PDGFC: variants seen among roughly 807,000 people sequenced by gnomAD.
The protein encoded by PDGFC is platelet-derived growth factor C.
PDGFC carries 12 observed loss-of-function variants against 35.5 expected under a neutral mutation model. The ratio of observed to expected loss-of-function variants is 0.34; its 90% CI spans 0.22 to 0.55. The LOEUF (loss-of-function observed/expected upper bound fraction) is 0.55, where lower values mean the gene tolerates loss of function less well. Among genes scored for constraint, PDGFC ranks in the 20% least tolerant of loss-of-function variants. The pLI, the probability that PDGFC is intolerant of heterozygous loss-of-function variation, is 0.91. For missense variants in PDGFC, 322 were observed against 412.4 expected (o/e 0.78, Z 1.90); for synonymous variants, 159 against 148.8 (o/e 1.07, Z -0.50).
chr4:156,778,154 A>C, intron 3 of PDGFC: 1 of 292,788 alleles, frequency 3.4e-6, no homozygotes, highest in Non-Finnish European at 7.1e-6. Context: ...ACAAAAGTAA[A>C]AACCTGTGAG....
At chr4:156,783,940 A>C (rs964958050) in intron 3 of PDGFC, among the ~76,000 whole-genome samples, 2 of 152,186 alleles carry the variant, frequency 1.3e-5, no homozygotes, top group Non-Finnish European at 2.9e-5. Flanking sequence ...GATATGCTTA[A>C]TTTTAAATGA....
At chr4:156,841,692 G>A (rs1560836605) in intron 2 of PDGFC, among the ~76,000 whole-genome samples, 2 of 151,818 alleles carry the variant, frequency 1.3e-5, no homozygotes. Flanking sequence ...TTTTGGTAGA[G>A]ACAGGGTTTT....
intron 4 of PDGFC, among the ~76,000 whole-genome samples, chr4:156,769,567 C>A (rs1730635761): frequency 6.6e-6 from 1 of 151,902 alleles, no homozygotes. Flanking sequence ...AATTATTTTT[C>A]TAACTCAAGG....
intron 3 of PDGFC, among the ~76,000 whole-genome samples, chr4:156,791,983 A>G (rs889833244): frequency 2.6e-5 from 4 of 152,196 alleles, no homozygotes; most frequent in Non-Finnish European, 5.9e-5. Context: ...GATATATCTA[A>G]TGAAATCCTC....
At chr4:156,944,391 A>C (rs1456632811) in intron 1 of PDGFC, among the ~76,000 whole-genome samples, 3 of 152,118 alleles carry the variant, frequency 2.0e-5, no homozygotes, top group Admixed American at 1.3e-4. Flanking sequence ...CATTATTTAT[A>C]TGCTTCCAAA....
At chr4:156,834,463 T>C (rs1173927593) in intron 2 of PDGFC, among the ~76,000 whole-genome samples, 2 of 152,170 alleles carry the variant, frequency 1.3e-5, no homozygotes, top group African/African-American at 4.8e-5. Flanking sequence ...TTATGACTGG[T>C]TCCATTTACA....
chr4:156,837,928 GA>G (rs1729100818), intron 2 of PDGFC, among the ~76,000 whole-genome samples: 1 of 151,740 alleles, frequency 6.6e-6, no homozygotes, highest in Non-Finnish European at 1.5e-5. Flanking sequence ...CTTGATCTCA[GA>G]CTTGGTCAGA....
Position 156,883,310 on chromosome 4 carries a change from G to A in PDGFC, c.119-32894C>T, listed in dbSNP as rs763049848. 1.2e-3 allele frequency among the ~76,000 whole-genome samples: 187 copies of A among 152,178 alleles called. 1 individual carries two copies. The highest frequency in any genetic ancestry group is 2.3e-3 in the Non-Finnish European group (155 of 68,000). On this transcript the variant is annotated intron_variant, in intron 1 of 5. Coordinates refer to ENST00000502773, the MANE Select transcript of PDGFC (RefSeq NM_016205.3). ...CTCTGTTTACATATGAAACATATTT[G>A]ATTATACTCAATGGAAAGATTGTAT... is the stretch of plus-strand genomic sequence containing the variant.
chr4:156,802,148 G>T (rs1731629378), intron 3 of PDGFC, among the ~76,000 whole-genome samples: 1 of 152,156 alleles, frequency 6.6e-6, no homozygotes, highest in African/African-American at 2.4e-5. Flanking sequence ...ATGGGCCACA[G>T]ACTGTTTTGA....
At chr4:156,843,416 C>T (rs1408287768) in intron 2 of PDGFC, among the ~76,000 whole-genome samples, 1 of 152,330 alleles carries the variant, frequency 6.6e-6, no homozygotes, top group Middle Eastern at 3.4e-3. Flanking sequence ...AACCACCATG[C>T]ATGTGCTCCA....
chr4:156,941,899 G>A (rs1731817126), intron 1 of PDGFC, among the ~76,000 whole-genome samples: 2 of 151,986 alleles, frequency 1.3e-5, no homozygotes, highest in Admixed American at 1.3e-4. Context: ...AGGAACAGAG[G>A]TGGCTTAGAA....
At chr4:156,929,638 C>G (rs910728404) in intron 1 of PDGFC, among the ~76,000 whole-genome samples, 1 of 152,150 alleles carries the variant, frequency 6.6e-6, no homozygotes, top group Non-Finnish European at 1.5e-5. Context: ...CCTCTTCTTC[C>G]TTCAGTGAAT....
chr4:156,890,881 G>A (rs954408703), intron 1 of PDGFC, among the ~76,000 whole-genome samples: 1 of 152,078 alleles, frequency 6.6e-6, no homozygotes, highest in Admixed American at 6.6e-5. Flanking sequence ...TTTTCTGTAG[G>A]TAACCATGTA....
At chr4:156,899,328 C>T (rs1281384766) in intron 1 of PDGFC, among the ~76,000 whole-genome samples, 1 of 152,132 alleles carries the variant, frequency 6.6e-6, no homozygotes, top group Non-Finnish European at 1.5e-5. Context: ...CATTTTATAG[C>T]AGGGACTTGA....
chr4:156,959,733 T>C (rs1297455875), intron 1 of PDGFC, among the ~76,000 whole-genome samples: 1 of 152,048 alleles, frequency 6.6e-6, no homozygotes, highest in East Asian at 1.9e-4. Context: ...GATTTGCACC[T>C]CTGAGTTTTT....
Position 156,970,997 on chromosome 4 carries a change from G to A in PDGFC, c.-94C>T. ...ACCACCGCCAGGGGAAGGCTGCACT[G>A]GGGTGGAAGCGCCGAGCCTGCTCTG... is the stretch of plus-strand genomic sequence containing the variant. On this transcript the variant is annotated 5_prime_UTR_variant, in exon 1 of 6. Coordinates refer to ENST00000502773, the MANE Select transcript of PDGFC (RefSeq NM_016205.3). The A allele has an allele frequency of 2.6e-6, 2 of 773,806 alleles. No homozygotes were observed. The highest frequency in any genetic ancestry group is 2.2e-6 in the Non-Finnish European group (1 of 450,142). The allele number at this position is 773,806 out of a possible 1,614,324, so 47.9% of individuals were successfully genotyped here. A position where few individuals can be genotyped will look rare whatever the true frequency, so the allele number is the denominator to read the frequency against.
chr4:156,763,301 G>T, intron 5 of PDGFC, 95 bp from the exon 6 acceptor site: 1 of 614,136 alleles, frequency 1.6e-6, no homozygotes, highest in South Asian at 2.3e-5. Flanking sequence ...GAATCTTGGG[G>T]CCCAAGAAAG....
chr4:156,838,273 G>A (rs1729114653), intron 2 of PDGFC, among the ~76,000 whole-genome samples: 1 of 152,138 alleles, frequency 6.6e-6, no homozygotes, highest in African/African-American at 2.4e-5. Flanking sequence ...TGCTTTCAGG[G>A]GCCATTTCTC....
At chr4:156,861,118 A>C (rs1200428642) in intron 1 of PDGFC, among the ~76,000 whole-genome samples, 3 of 152,140 alleles carry the variant, frequency 2.0e-5, no homozygotes, top group Non-Finnish European at 4.4e-5. Context: ...AATATACAGA[A>C]GTGGGAATGT....
Sources: gnomAD v4.1 joint callset for allele counts (sites outside exome capture counted in the v4.1 genomes callset) on GRCh38, gnomAD v4.1.1 for gene constraint, MANE v1.5 for transcripts, NCBI Gene and HGNC (gene_info 2026-07-23, HGNC 2026-07-21) for gene names.